Variants in STK32A observed in about 807,000 individuals in gnomAD.
STK32A encodes the protein serine/threonine kinase 32A, also known as serine/threonine-protein kinase 32A.
A neutral mutation model predicts 53.2 loss-of-function variants in STK32A; 41 were observed. That is an observed-to-expected ratio of 0.77 (90% CI 0.60 to 1.00). The LOEUF is 1.00. Among genes scored for constraint, STK32A ranks in the 50% least tolerant of loss-of-function variants. The pLI is 0.00. For synonymous variants in STK32A, 166 were observed against 162.8 expected (o/e 1.02, Z -0.15); for missense variants, 458 against 485.8 (o/e 0.94, Z 0.54).
At chr5:147,248,886 G>C (rs1753863426) in intron 2 of STK32A, among the ~76,000 whole-genome samples, 1 of 152,188 alleles carries the variant, frequency 6.6e-6, no homozygotes, top group African/African-American at 2.4e-5. Context: ...AGTGTTAGTG[G>C]CAACCATTTG....
chr5:147,357,184 G>A (rs1034912358), intron 7 of STK32A, among the ~76,000 whole-genome samples: 6 of 151,944 alleles, frequency 3.9e-5, no homozygotes, highest in Non-Finnish European at 7.4e-5. Flanking sequence ...AAGAATTTCT[G>A]GTCAAAGCCT....
At chr5:147,277,074 T>C (rs974918923) in intron 2 of STK32A, among the ~76,000 whole-genome samples, 1 of 152,230 alleles carries the variant, frequency 6.6e-6, no homozygotes, top group Non-Finnish European at 1.5e-5. Flanking sequence ...GAAGGCACTC[T>C]AGCCAAACTT....
At chr5:147,375,280 G>A in intron 11 of STK32A, 62 bp downstream of exon 11, 10 of 1,563,540 alleles carry the variant, frequency 6.4e-6, no homozygotes, top group Non-Finnish European at 7.8e-6. Flanking sequence ...CAATATCTTC[G>A]AGAGCTTCTA....
chr5:147,397,327 G>GGATT, the STK32A span, among the ~76,000 whole-genome samples: 1 of 149,004 alleles, frequency 6.7e-6, no homozygotes, highest in African/African-American at 2.5e-5. Context: ...GTGTCGGTGT[G>GGATT]GATTCTCGGT....
downstream of STK32A, chr5:147,392,302 A>C (rs1205355088): frequency 6.6e-6 from 1 of 152,222 alleles, no homozygotes; most frequent in Non-Finnish European, 1.5e-5. Flanking sequence ...CATGATTTGA[A>C]CAGAAGGTAG....
chr5:147,394,202 G>T, the STK32A span: 2 of 1,467,502 alleles, frequency 1.4e-6, no homozygotes, highest in Non-Finnish European at 1.9e-6. Flanking sequence ...AGAGAAACTG[G>T]GTTAATTTTA....
intron 11 of STK32A, among the ~76,000 whole-genome samples, chr5:147,382,217 ACCC>A (rs1186851666): frequency 6.6e-6 from 1 of 152,132 alleles, no homozygotes; most frequent in Non-Finnish European, 1.5e-5. Context: ...TGCCGTTGAA[ACCC>A]TGTAGCAAAT....
intron 2 of STK32A, among the ~76,000 whole-genome samples, chr5:147,264,524 A>G (rs1203365466): frequency 6.6e-6 from 1 of 152,240 alleles, no homozygotes; most frequent in East Asian, 1.9e-4. Context: ...TGTGCAAGAA[A>G]AGAAAACTAA....
intron 5 of STK32A, among the ~76,000 whole-genome samples, chr5:147,325,213 G>T (rs1420144199): frequency 6.6e-6 from 1 of 152,092 alleles, no homozygotes; most frequent in African/African-American, 2.4e-5. Context: ...AATTTGCTGA[G>T]ATTTTAAGTA....
At chr5:147,297,279 A>G (rs1212545790) in intron 4 of STK32A, among the ~76,000 whole-genome samples, 1 of 152,180 alleles carries the variant, frequency 6.6e-6, no homozygotes, top group Non-Finnish European at 1.5e-5. Flanking sequence ...GCACCTACTC[A>G]CGGAGGCCCC....
At chr5:147,255,247 C>G (rs191533335) in intron 2 of STK32A, among the ~76,000 whole-genome samples, 166 of 152,280 alleles carry the variant, frequency 1.1e-3, no homozygotes, top group African/African-American at 3.8e-3. Flanking sequence ...TATTTCCTTA[C>G]AGCTTTCTTT....
downstream of STK32A, among the ~76,000 whole-genome samples, chr5:147,389,605 C>A (rs1012370614): frequency 3.3e-5 from 5 of 152,076 alleles, no homozygotes; most frequent in African/African-American, 9.7e-5. Flanking sequence ...GCTTTCCTGG[C>A]CAGGTGTAAT....
At chr5:147,342,818 T>G in intron 5 of STK32A, 188 bp from the exon 6 acceptor site, 2 of 569,574 alleles carry the variant, frequency 3.5e-6, no homozygotes, top group Non-Finnish European at 6.2e-6. Context: ...AAGCTTCAGT[T>G]TTCTGATTTA....
chr5:147,308,394 G>A (rs1178806187), intron 4 of STK32A, among the ~76,000 whole-genome samples: 1 of 152,024 alleles, frequency 6.6e-6, no homozygotes, highest in Admixed American at 6.5e-5. Flanking sequence ...TATTGACTTT[G>A]TGTTCAGTGA....
At chr5:147,338,317 G>A (rs1187136918) in intron 5 of STK32A, among the ~76,000 whole-genome samples, 2 of 152,118 alleles carry the variant, frequency 1.3e-5, no homozygotes, top group African/African-American at 2.4e-5. Context: ...CACGTAAGAG[G>A]TGCCTTTGCT....
At chr5:147,360,809 G>C (rs919924076) in intron 7 of STK32A, among the ~76,000 whole-genome samples, 15 of 152,178 alleles carry the variant, frequency 9.9e-5, no homozygotes, top group African/African-American at 3.1e-4. Flanking sequence ...CAGGAGTTAG[G>C]TTTATTCTTA....
chr5:147,321,592 G>T (rs1246261205), intron 4 of STK32A, among the ~76,000 whole-genome samples: 5 of 152,100 alleles, frequency 3.3e-5, no homozygotes, highest in Non-Finnish European at 7.3e-5. Context: ...TTGCCACATT[G>T]GCACCTTTAT....
chr5:147,252,246 T>G (rs1309990377), intron 2 of STK32A, among the ~76,000 whole-genome samples: 1 of 152,182 alleles, frequency 6.6e-6, no homozygotes. Flanking sequence ...TATGATACCT[T>G]GTGGGATAAT....
At chr5:147,300,441 A>G (rs920118513) in intron 4 of STK32A, among the ~76,000 whole-genome samples, 6 of 152,214 alleles carry the variant, frequency 3.9e-5, no homozygotes, top group African/African-American at 1.4e-4. Context: ...CATATCCCAC[A>G]AGAATACAAA....
Sources: allele counts gnomAD v4.1 joint callset (sites outside exome capture counted in the v4.1 genomes callset), GRCh38; gene constraint gnomAD v4.1.1; transcripts MANE v1.5; gene names NCBI Gene and HGNC (gene_info 2026-07-23, HGNC 2026-07-21).